The following SRGAP2C variants were observed in gnomAD, a reference collection of about 807,000 sequenced individuals.
SRGAP2C encodes the protein SLIT-ROBO Rho GTPase activating protein 2C, also known as SLIT-ROBO Rho GTPase-activating protein 2C.
A neutral mutation model predicts 25.1 loss-of-function variants in SRGAP2C; 15 were observed. That is an observed-to-expected ratio of 0.60 (90% confidence interval 0.40 to 0.92). SRGAP2C has a LOEUF of 0.92. Ranked by LOEUF, SRGAP2C falls within the 40% of genes least tolerant of loss-of-function variation. The pLI is 0.00. For synonymous variants in SRGAP2C, 44 were observed against 96.6 expected, an observed-to-expected ratio of 0.46 and a Z score of 3.19; for missense variants, 144 against 264.4, an observed-to-expected ratio of 0.54 and a Z score of 3.16.
At chr1:121,198,363 C>T (rs1654893388) in intron 2 of SRGAP2C, among the ~76,000 whole-genome samples, 1 of 137,378 alleles carries the variant, frequency 7.3e-6, no homozygotes, top group Non-Finnish European at 1.6e-5. Context: ...ACCCAGAAAT[C>T]ACTGTGAAAG....
chr1:121,362,495 C>G (rs1455070060), intron 4 of SRGAP2C, among the ~76,000 whole-genome samples: 2 of 151,240 alleles, frequency 1.3e-5, no homozygotes, highest in Non-Finnish European at 2.9e-5. Context: ...TTACACTTTT[C>G]CCTCCTCTTC....
Position 121,185,413 on chromosome 1 carries a change from C to G in SRGAP2C, c.-543+289C>G. 4.2e-6 allele frequency: 4 copies of G among 952,736 alleles called. 1 individual carries two copies. The highest frequency in any genetic ancestry group is 2.8e-6 in the Non-Finnish European group (2 of 708,074). 59.0% of individuals were successfully genotyped at this position (952,736 alleles called of 1,614,324 possible). On this transcript the variant is annotated intron_variant, in intron 1 of 9. Transcript: ENST00000367123. ...GCGCAGCCAGCACCCAGCCGCCTCT[C>G]CCTTTCCTCCGCACACGGGCAGCCG...
chr1:121,370,572 G>A (rs1659458284), intron 5 of SRGAP2C, among the ~76,000 whole-genome samples: 1 of 148,288 alleles, frequency 6.7e-6, no homozygotes, highest in Non-Finnish European at 1.5e-5. Context: ...CTCCCGAGTA[G>A]CTGGGACTAC....
intron 2 of SRGAP2C, among the ~76,000 whole-genome samples, chr1:121,259,843 C>CTTTTTTTTTT (rs782529398): frequency 9.3e-6 from 1 of 107,752 alleles, no homozygotes; most frequent in Non-Finnish European, 1.9e-5. Flanking sequence ...TCTTCTTCTA[C>CTTTTTTTTTT]TTTTTTTTTT....
chr1:121,191,339 C>T (rs1195691193), intron 2 of SRGAP2C, among the ~76,000 whole-genome samples: 1 of 151,582 alleles, frequency 6.6e-6, no homozygotes, highest in African/African-American at 2.4e-5. Context: ...ACTTATAATA[C>T]CTAATACAGT....
chr1:121,359,836 G>A lies in SRGAP2C; in HGVS notation c.424-5457G>A, dbSNP rs1490573261. On this transcript the variant is annotated intron_variant, in intron 4 of 9. Coordinates refer to ENST00000367123, the MANE Select transcript of SRGAP2C (RefSeq NM_001329984.2). ...AGAATAGGAAATATCATAGTGGACA[G>A]CACATAAGTAGAGGTGAAGCCAGCT... Among the ~76,000 whole-genome samples, 8 of 152,250 alleles carry A rather than the reference G, an allele frequency of 5.3e-5. No individual in the cohort carries two copies. In the East Asian group the frequency reaches 1.5e-3, roughly 29 times the overall value.
At chr1:121,238,752 T>C (rs1459697171) in intron 2 of SRGAP2C, among the ~76,000 whole-genome samples, 1 of 150,118 alleles carries the variant, frequency 6.7e-6, no homozygotes, top group African/African-American at 2.5e-5. Context: ...TAGCAGGGAC[T>C]ACAATTGTGC....
intron 3 of SRGAP2C, among the ~76,000 whole-genome samples, chr1:121,304,045 A>T (rs1443428436): frequency 1.1e-5 from 1 of 87,936 alleles, no homozygotes; most frequent in Non-Finnish European, 2.5e-5. Flanking sequence ...TCTACTAAAA[A>T]ATACAAAAAA....
chr1:121,343,129 G>A (rs1553343123), intron 4 of SRGAP2C, among the ~76,000 whole-genome samples: 1 of 151,928 alleles, frequency 6.6e-6, no homozygotes, highest in Admixed American at 6.6e-5. Context: ...TAATTTTATA[G>A]TCATTGTTAC....
chr1:121,331,156 A>G (rs1658422436), intron 4 of SRGAP2C, among the ~76,000 whole-genome samples: 1 of 134,834 alleles, frequency 7.4e-6, no homozygotes, highest in Non-Finnish European at 1.5e-5. Context: ...AAAAAAAAAA[A>G]AAAAAAAAAA....
In SRGAP2C at chr1:121,374,898, G is replaced by A. The variant is rs782629527; in HGVS notation, c.775G>A (p.Ala259Thr). The A allele has an allele frequency of 1.7e-5, 13 of 779,054 alleles. No individual in the cohort carries two copies. The highest frequency in any genetic ancestry group is 1.6e-4 in the South Asian group (12 of 74,130). The allele number at this position is 779,054 out of a possible 1,614,324, so 48.3% of individuals were successfully genotyped here. ...AQNEYLLALE[A>T]TNASVFKYYI... ...GAATGAGTACTTGCTGGCTTTGGAG[G>A]CAACCAATGCATCTGTCTTCAAGTA... The change falls in exon 7 of 10, where the codon GCA becomes ACA. Residue 259 changes from alanine (A) to threonine (T), a missense_variant. Ala to Thr is a moderately conservative substitution (Grantham distance 58). Around this residue, in one of 5 missense-constraint regions of SRGAP2C, gnomAD observed 34 missense variants for 23.0 expected, o/e 1.48. Coordinates refer to ENST00000367123, the MANE Select transcript of SRGAP2C (RefSeq NM_001329984.2).
In SRGAP2C at chr1:121,324,567, G is replaced by A; in HGVS notation, c.350G>A (p.Ser117Asn). 6.2e-7 allele frequency: 1 copy of A among 1,601,966 alleles called. No individual in the cohort carries two copies. The part of the protein sequence containing the change: ...KWESRDHTTL[S>N]DIYLNNIIPR... ...GAAAGCAGGGACCATACCACCCTGAGTGACATCTACCTGAATAATATCATT... is the reference window on the plus strand; with the variant it reads ...GAAAGCAGGGACCATACCACCCTGAATGACATCTACCTGAATAATATCATT... Residue 117 changes from serine (S) to asparagine (N), a missense_variant, in exon 4 of 10, where the codon AGT becomes AAT. Around this residue, in one of 5 missense-constraint regions of SRGAP2C, gnomAD observed 26 missense variants for 67.3 expected, o/e 0.39. Coordinates refer to ENST00000367123, the MANE Select transcript of SRGAP2C (RefSeq NM_001329984.2).
intron 3 of SRGAP2C, among the ~76,000 whole-genome samples, chr1:121,313,506 G>C: frequency 7.8e-6 from 1 of 127,756 alleles, no homozygotes; most frequent in Non-Finnish European, 1.6e-5. Flanking sequence ...AGTTGATGCA[G>C]TTTCTTCCTA....
intron 3 of SRGAP2C, among the ~76,000 whole-genome samples, chr1:121,295,857 G>T (rs1397473658): frequency 1.3e-5 from 2 of 152,166 alleles, no homozygotes; most frequent in African/African-American, 4.8e-5. Context: ...TGCCTCCCAG[G>T]TTCAAGCTAT....
At chr1:121,365,973 C>A (rs1223853551) in intron 5 of SRGAP2C, among the ~76,000 whole-genome samples, 1 of 145,372 alleles carries the variant, frequency 6.9e-6, no homozygotes, top group African/African-American at 2.6e-5. Flanking sequence ...GCGCTTCAGG[C>A]ACATGATGCC....
At chr1:121,204,550 G>T (rs200066419) in intron 2 of SRGAP2C, among the ~76,000 whole-genome samples, 1 of 151,794 alleles carries the variant, frequency 6.6e-6, no homozygotes, top group Non-Finnish European at 1.5e-5. Flanking sequence ...GTGAGCCACC[G>T]TGCCCGGCCT....
intron 2 of SRGAP2C, among the ~76,000 whole-genome samples, chr1:121,230,493 A>G (rs1655786328): frequency 1.4e-5 from 1 of 70,478 alleles, no homozygotes; most frequent in Admixed American, 1.7e-4. Context: ...TGTGTTTCCT[A>G]CTACTCTCCT....
intron 3 of SRGAP2C, among the ~76,000 whole-genome samples, chr1:121,290,954 A>AC (rs1657478663): frequency 1.0e-5 from 1 of 96,232 alleles, no homozygotes; most frequent in African/African-American, 4.1e-5. Flanking sequence ...AGTAGAGTAG[A>AC]CCCCAAATGA....
At position 121,324,533 on chromosome 1, in the gene SRGAP2C, G is replaced by C. The variant is rs1265540143; in HGVS notation, c.316G>C (p.Val106Leu). Residue 106 changes from valine to leucine, a missense_variant, in exon 4 of 10, where the codon GTG (valine) becomes CTG (leucine). Physicochemically the swap from Val to Leu is conservative, Grantham distance 32. This residue lies in a region of SRGAP2C where 61 missense variants were observed against 61.7 expected (regional missense o/e 0.99). Coordinates refer to ENST00000367123, the MANE Select transcript of SRGAP2C (RefSeq NM_001329984.2). ...VNCWNLLLNQVKWESRDHTTL... is the reference protein window; with the variant it reads ...VNCWNLLLNQLKWESRDHTTL... ...CTGCTGGAATCTCCTCTTAAACCAGGTGAAGTGGGAAAGCAGGGACCATAC... is the reference window on the plus strand; with the variant it reads ...CTGCTGGAATCTCCTCTTAAACCAGCTGAAGTGGGAAAGCAGGGACCATAC... 1.2e-6 allele frequency: 2 copies of C among 1,613,442 alleles called. No individual in the cohort carries two copies. Among genetic ancestry groups the C allele is most frequent in the African/African-American group, 2.7e-5 (2 of 74,894 alleles).
Sources: gnomAD v4.1 joint callset for allele counts (sites outside exome capture counted in the v4.1 genomes callset) on GRCh38, gnomAD v4.1.1 for gene constraint, gnomAD v4.1.1 regional missense constraint, MANE v1.5 for transcripts, NCBI Gene and HGNC (gene_info 2026-07-23, HGNC 2026-07-21) for gene names.